NDUFAF6: variants seen among roughly 807,000 people sequenced by gnomAD.
NDUFAF6 encodes the protein NADH dehydrogenase (ubiquinone) complex I, assembly factor 6.
Under a neutral mutation model 40.8 loss-of-function variants are expected in NDUFAF6, and 45 were observed. The ratio of observed to expected loss-of-function variants is 1.10; its 90% confidence interval spans 0.87 to 1.42. NDUFAF6 has a LOEUF of 1.42. Ranked by LOEUF, NDUFAF6 falls within the 40% of genes most tolerant of loss-of-function variation. The probability of loss-of-function intolerance (pLI) is 0.00; values close to 1 mark genes in which losing one functional copy is unlikely to be tolerated. For missense variants in NDUFAF6, 435 were observed against 418.5 expected, an observed-to-expected ratio of 1.04 and a Z score of -0.34; for synonymous variants, 185 against 155.9, an observed-to-expected ratio of 1.19 and a Z score of -1.39.
chr8:95,106,914 C>A (rs1459414824), downstream of NDUFAF6, among the ~76,000 whole-genome samples: 1 of 152,142 alleles, frequency 6.6e-6, no homozygotes, highest in Non-Finnish European at 1.5e-5. Context: ...TAGAGAAATG[C>A]AAATCAAAAC....
chr8:94,901,491 G>A (rs1390699510), intron 1 of NDUFAF6, among the ~76,000 whole-genome samples: 1 of 152,018 alleles, frequency 6.6e-6, no homozygotes, highest in African/African-American at 2.4e-5. Context: ...CTAGATGGAT[G>A]AATGGCTGTC....
intron 2 of NDUFAF6, among the ~76,000 whole-genome samples, chr8:95,019,406 C>T (rs935936538): frequency 1.3e-5 from 2 of 152,224 alleles, no homozygotes; most frequent in East Asian, 3.8e-4. Flanking sequence ...ACCCACCATA[C>T]CCATGTGACA....
intron 2 of NDUFAF6, among the ~76,000 whole-genome samples, chr8:95,088,727 GTTTTCT>G (rs138874713): frequency 9.2e-6 from 1 of 109,260 alleles, no homozygotes; most frequent in South Asian, 3.6e-4. Context: ...GTGTGTGTGT[GTTTTCT>G]TTTTGTTTTC....
chr8:95,077,195 TAG>T (rs1808658410), downstream of NDUFAF6, among the ~76,000 whole-genome samples: 1 of 152,176 alleles, frequency 6.6e-6, no homozygotes, highest in Admixed American at 6.5e-5. Context: ...AATTTCTGTT[TAG>T]ACTACCCAGC....
intron 2 of NDUFAF6, among the ~76,000 whole-genome samples, chr8:95,082,943 GTTGT>G (rs199748988): frequency 0.076 from 11,601 of 152,172 alleles, 580 homozygotes; most frequent in Middle Eastern, 0.14. Context: ...ACAGACGTGA[GTTGT>G]TTGTTTGTTT....
intron 5 of NDUFAF6, among the ~76,000 whole-genome samples, chr8:95,045,988 T>C (rs1490024108): frequency 6.6e-6 from 1 of 152,084 alleles, no homozygotes; most frequent in Non-Finnish European, 1.5e-5. Flanking sequence ...TTCGTGTTAA[T>C]AGTACTTATC....
chr8:94,973,718 A>G (rs914288885), intron 1 of NDUFAF6, among the ~76,000 whole-genome samples: 1 of 151,576 alleles, frequency 6.6e-6, no homozygotes. Flanking sequence ...CAAAAAAAAA[A>G]AAAAAAGAAA....
chr8:94,917,110 CAAA>C (rs35834003), intron 1 of NDUFAF6, among the ~76,000 whole-genome samples: 6 of 89,542 alleles, frequency 6.7e-5, no homozygotes, highest in Admixed American at 2.5e-4. Flanking sequence ...GACTCCATCT[CAAA>C]AAAAAAAAAA....
intron 2 of NDUFAF6, among the ~76,000 whole-genome samples, chr8:95,017,410 T>C (rs548167695): frequency 1.3e-5 from 2 of 152,282 alleles, no homozygotes; most frequent in African/African-American, 2.4e-5. Flanking sequence ...CCTCCCTCTC[T>C]TTGATTCTAT....
At chr8:94,948,854 C>T (rs562144264) in intron 2 of NDUFAF6, among the ~76,000 whole-genome samples, 187 of 152,086 alleles carry the variant, frequency 1.2e-3, no homozygotes, top group African/African-American at 4.3e-3. Flanking sequence ...AGACCAAACT[C>T]CCAACCGCCG....
intron 2 of NDUFAF6, among the ~76,000 whole-genome samples, chr8:95,091,082 T>C (rs774905036): frequency 1.3e-5 from 2 of 149,976 alleles, no homozygotes; most frequent in Non-Finnish European, 3.0e-5. Context: ...TATCCTATTC[T>C]GTCCCTCTAG....
Position 94,982,506 on chromosome 8 carries a change from A to G in NDUFAF6, c.-84+1533A>G, listed in dbSNP as rs76494667. Among the ~76,000 whole-genome samples, 206 of 152,312 alleles carry G rather than the reference A, an allele frequency of 1.4e-3. 5 individuals carry two copies. The East Asian group carries it at 0.038, about 28-fold the overall frequency. ...ATCTTTAAGTGATGCATGACTGCGTATCTCCCCTGAAGAAATAGCAATTCA... is the reference window on the plus strand; with the variant it reads ...ATCTTTAAGTGATGCATGACTGCGTGTCTCCCCTGAAGAAATAGCAATTCA... On this transcript the variant is annotated intron_variant, in intron 2 of 9. Transcript: ENST00000396111.
chr8:95,057,573 T>G lies in NDUFAF6; in HGVS notation c.874-236T>G, dbSNP rs367686568. 3.9e-5 allele frequency among the ~76,000 whole-genome samples: 6 copies of G among 152,304 alleles called. No individual in the cohort carries two copies. The East Asian group carries it at 7.7e-4, about 20-fold the overall frequency. ...GTCTTAACCAAAGCTTTTTATATTA[T>G]GAGCAGAAGAGGCTTGGCTTTTCTG... On this transcript the variant is annotated intron_variant, in intron 8 of 8. Coordinates refer to ENST00000396124, the MANE Select transcript of NDUFAF6 (RefSeq NM_152416.4).
At chr8:94,966,428 T>C (rs1377749164) in intron 1 of NDUFAF6, among the ~76,000 whole-genome samples, 1 of 152,072 alleles carries the variant, frequency 6.6e-6, no homozygotes, top group Non-Finnish European at 1.5e-5. Flanking sequence ...ACTTCATCTC[T>C]ACACAAAGTC....
rs565979029 is a variant in NDUFAF6 at position 94,947,036 on chromosome 8, T to C, written c.-799+1417T>C. Among the ~76,000 whole-genome samples, 3 of 152,280 alleles carry C rather than the reference T, an allele frequency of 2.0e-5. No individual in the cohort carries two copies. In the East Asian group the frequency reaches 5.8e-4, roughly 29 times the overall value. ...AATGCTTATTGTATGTAACGGGGCC[T>C]TGAAGTACTTATTTGTCCCATTTTA... On this transcript the variant is annotated intron_variant, in intron 2 of 14. Coordinates refer to the NDUFAF6 transcript ENST00000396113.
intron 1 of NDUFAF6, among the ~76,000 whole-genome samples, chr8:94,900,965 G>A (rs1254681963): frequency 6.6e-6 from 1 of 152,130 alleles, no homozygotes; most frequent in Non-Finnish European, 1.5e-5. Context: ...AAGGGAGGGG[G>A]AATGTCATAG....
intron 1 of NDUFAF6, among the ~76,000 whole-genome samples, chr8:94,920,592 G>C (rs955044137): frequency 3.3e-5 from 5 of 152,232 alleles, no homozygotes. Context: ...AAGGGAACAA[G>C]GGGAGGGCTG....
chr8:95,046,324 C>T lies in NDUFAF6; in HGVS notation c.581-670C>T, dbSNP rs28394682. Among the ~76,000 whole-genome samples the T allele has an allele frequency of 7.0e-3, 1,073 of 152,270 alleles. 13 individuals carry two copies. The highest frequency in any genetic ancestry group is 0.024 in the African/African-American group (1,001 of 41,548). ...CCTCCCAAAGTGCTGGGATTACAGG[C>T]GTGAGCCACAGTGCCTGGCCTAAAA... On this transcript the variant is annotated intron_variant, in intron 5 of 8. Transcript: ENST00000396124.
upstream of NDUFAF6, among the ~76,000 whole-genome samples, chr8:95,020,177 C>T (rs909332875): frequency 2.6e-5 from 4 of 151,996 alleles, no homozygotes; most frequent in East Asian, 1.9e-4. Context: ...CCAGCCTGGG[C>T]GACAAGAGTG....
Sources: gnomAD v4.1 joint callset for allele counts (sites outside exome capture counted in the v4.1 genomes callset) on GRCh38, gnomAD v4.1.1 for gene constraint, MANE v1.5 for transcripts, NCBI Gene and HGNC (gene_info 2026-07-23, HGNC 2026-07-21) for gene names.